Variants in KIAA0825 observed in about 807,000 individuals in gnomAD.
KIAA0825 encodes KIAA0825.
KIAA0825 carries 119 observed loss-of-function variants against 147.6 expected under a neutral mutation model. That is an observed-to-expected ratio of 0.81 (90% CI 0.69 to 0.94). KIAA0825 has a LOEUF of 0.94. Among genes scored for constraint, KIAA0825 ranks in the 40% least tolerant of loss-of-function variants. The probability of loss-of-function intolerance (pLI) is 0.00; values close to 1 mark genes in which losing one functional copy is unlikely to be tolerated. For missense variants in KIAA0825, 1,381 were observed against 1,472.7 expected (o/e 0.94, Z 1.02); for synonymous variants, 470 against 518.1 (o/e 0.91, Z 1.26).
At chr5:94,300,817 A>G (rs1584042373) in intron 20 of KIAA0825, among the ~76,000 whole-genome samples, 1 of 152,202 alleles carries the variant, frequency 6.6e-6, no homozygotes, top group Non-Finnish European at 1.5e-5. Flanking sequence ...GCAAGTAAAC[A>G]ATTGACAGGT....
intron 5 of KIAA0825, among the ~76,000 whole-genome samples, chr5:94,512,056 A>T (rs1045261905): frequency 6.6e-6 from 1 of 152,070 alleles, no homozygotes; most frequent in African/African-American, 2.4e-5. Context: ...GATGGTAGAA[A>T]ATTTTCATAC....
chr5:94,545,126 G>A (rs1334851087), intron 2 of KIAA0825, among the ~76,000 whole-genome samples: 1 of 152,120 alleles, frequency 6.6e-6, no homozygotes, highest in Non-Finnish European at 1.5e-5. Flanking sequence ...AGCTGTGCTG[G>A]GCTCAGCTGG....
chr5:94,514,812 G>T (rs1766977604), intron 5 of KIAA0825, among the ~76,000 whole-genome samples: 1 of 152,016 alleles, frequency 6.6e-6, no homozygotes, highest in Non-Finnish European at 1.5e-5. Flanking sequence ...TGGTTTGAGG[G>T]CCTTGGTTAT....
intron 20 of KIAA0825, among the ~76,000 whole-genome samples, chr5:94,375,565 T>C (rs1747437365): frequency 6.6e-6 from 1 of 152,168 alleles, no homozygotes; most frequent in South Asian, 2.1e-4. Context: ...TTTAGCCCAA[T>C]CCATAGTCAA....
At chr5:94,578,759 C>T (rs1191486340) in intron 2 of KIAA0825, among the ~76,000 whole-genome samples, 2 of 152,196 alleles carry the variant, frequency 1.3e-5, no homozygotes, top group African/African-American at 4.8e-5. Context: ...CTCAATTTTT[C>T]ATGTGCCAGT....
At chr5:94,336,438 T>A (rs1584160902) in intron 20 of KIAA0825, among the ~76,000 whole-genome samples, 4 of 123,100 alleles carry the variant, frequency 3.2e-5, no homozygotes, top group Non-Finnish European at 6.5e-5. Flanking sequence ...CAGGCCCTAG[T>A]GTGTAATGTT....
intron 20 of KIAA0825, among the ~76,000 whole-genome samples, chr5:94,362,965 G>A (rs903101142): frequency 1.1e-4 from 17 of 152,080 alleles, no homozygotes; most frequent in East Asian, 1.9e-4. Context: ...TATCTATTCC[G>A]TAACTATCTT....
chr5:94,462,525 C>A lies in KIAA0825; in HGVS notation c.2108G>T (p.Trp703Leu). The A allele has an allele frequency of 6.5e-7, 1 of 1,540,020 alleles. No homozygotes were observed. The highest frequency in any genetic ancestry group is 8.8e-7 in the Non-Finnish European group (1 of 1,142,210). The change falls in exon 12 of 21, where the codon TGG becomes TTG. Residue 703 changes from tryptophan (W) to leucine (L), a missense_variant. Physicochemically the swap from Trp to Leu is moderately conservative, Grantham distance 61. Coordinates refer to ENST00000682413, the MANE Select transcript of KIAA0825 (RefSeq NM_001145678.3). ...TILICTENMLWSVCTSVQKLL... is the reference protein window; with the variant it reads ...TILICTENMLLSVCTSVQKLL... ...TTTCTGTACAGATGTACAAACTGAC[C>A]ATAACATGTTCTCAGTGCATATCAA...
intron 17 of KIAA0825, 113 bp from the exon 18 acceptor site, chr5:94,391,807 T>A: frequency 1.1e-6 from 1 of 912,190 alleles, no homozygotes; most frequent in Non-Finnish European, 1.6e-6. Flanking sequence ...AAAGCATCCA[T>A]AAAGACTACG....
At chr5:94,530,011 C>T (rs1770450261) in intron 3 of KIAA0825, among the ~76,000 whole-genome samples, 1 of 152,002 alleles carries the variant, frequency 6.6e-6, no homozygotes, top group African/African-American at 2.4e-5. Context: ...TGGCTCACAC[C>T]TGTAATCCCA....
At chr5:94,534,768 ATCAGAGT>A (rs1416886016) in intron 3 of KIAA0825, among the ~76,000 whole-genome samples, 2 of 152,200 alleles carry the variant, frequency 1.3e-5, no homozygotes, top group Non-Finnish European at 2.9e-5. Context: ...GAACAAAAGC[ATCAGAGT>A]TCAGTGACTT....
chr5:94,450,941 A>G (rs1758319524), intron 13 of KIAA0825, among the ~76,000 whole-genome samples: 1 of 152,196 alleles, frequency 6.6e-6, no homozygotes, highest in Non-Finnish European at 1.5e-5. Context: ...AGAATAGAAC[A>G]GGCCTGGGTT....
At chr5:94,447,648 G>A (rs1007088077) in intron 13 of KIAA0825, among the ~76,000 whole-genome samples, 14 of 152,058 alleles carry the variant, frequency 9.2e-5, no homozygotes, top group Non-Finnish European at 1.6e-4. Context: ...TTTATTGAAG[G>A]AATGATTAAA....
At chr5:94,608,475 A>G (rs28886578) in intron 1 of KIAA0825, among the ~76,000 whole-genome samples, 6,968 of 10,874 alleles carry the variant, frequency 0.64, 1,936 homozygotes, top group South Asian at 0.7. Flanking sequence ...TATATATATA[A>G]TATATATATA....
At chr5:94,251,540 GAAGC>G (rs1181423950) in intron 20 of KIAA0825, among the ~76,000 whole-genome samples, 1 of 152,030 alleles carries the variant, frequency 6.6e-6, no homozygotes, top group Non-Finnish European at 1.5e-5. Flanking sequence ...TAGGAGGAAA[GAAGC>G]AAACAACTTA....
intron 2 of KIAA0825, among the ~76,000 whole-genome samples, chr5:94,550,062 A>G (rs1024003960): frequency 6.6e-5 from 10 of 152,184 alleles, no homozygotes; most frequent in Admixed American, 5.9e-4. Flanking sequence ...AGTACTCTTC[A>G]GCCATAAAAA....
At chr5:94,316,817 G>A (rs554366185) in intron 20 of KIAA0825, among the ~76,000 whole-genome samples, 2 of 151,192 alleles carry the variant, frequency 1.3e-5, no homozygotes, top group East Asian at 1.9e-4. Flanking sequence ...TCATACTTAC[G>A]CACAAAAACC....
intron 13 of KIAA0825, among the ~76,000 whole-genome samples, chr5:94,451,894 A>G (rs937582498): frequency 6.6e-6 from 1 of 152,216 alleles, no homozygotes; most frequent in Non-Finnish European, 1.5e-5. Context: ...TCACACTGTA[A>G]GAGATCCAGT....
chr5:94,212,090 T>C (rs1485802801), intron 20 of KIAA0825, among the ~76,000 whole-genome samples: 2 of 152,202 alleles, frequency 1.3e-5, no homozygotes, highest in Non-Finnish European at 2.9e-5. Flanking sequence ...AATTATTGTA[T>C]GATTTCAACA....
Sources: allele counts gnomAD v4.1 joint callset (sites outside exome capture counted in the v4.1 genomes callset), GRCh38; gene constraint gnomAD v4.1.1; transcripts MANE v1.5; gene names NCBI Gene and HGNC (gene_info 2026-07-23, HGNC 2026-07-21).